Variants in DRAXIN observed in about 807,000 individuals in gnomAD.
DRAXIN encodes dorsal repulsive axon guidance protein.
In DRAXIN, 27 loss-of-function variants were observed where a neutral mutation model predicts 33.9. The ratio of observed to expected loss-of-function variants is 0.80; its 90% CI spans 0.59 to 1.10. The LOEUF (loss-of-function observed/expected upper bound fraction) is 1.10, where lower values mean the gene tolerates loss of function less well. Ranked by LOEUF, DRAXIN falls within the 50% of genes least tolerant of loss-of-function variation. DRAXIN has a pLI of 0.00. For synonymous variants in DRAXIN, 178 were observed against 194.0 expected (o/e 0.92, Z 0.69); for missense variants, 371 against 460.8 (o/e 0.81, Z 1.78).
Position 11,694,510 on chromosome 1 carries a change from G to A in DRAXIN, c.-11+2657G>A, listed in dbSNP as rs1365114848. On this transcript the variant is annotated intron_variant, in intron 1 of 6. Coordinates refer to ENST00000294485, the MANE Select transcript of DRAXIN (RefSeq NM_198545.4). The surrounding 1 kb of genome is among the most constrained non-coding windows in gnomAD (Gnocchi z 4.9). ...TGGCTCACCCCAGCCGTGCAGATTG[G>A]GTTTGAAGCCCAGCTGATCACTTAG... Among the ~76,000 whole-genome samples the A allele has an allele frequency of 6.6e-6, 1 of 152,148 alleles. No individual in the cohort carries two copies. The highest frequency in any genetic ancestry group is 6.5e-5 in the Admixed American group (1 of 15,282).
intron 3 of DRAXIN, 132 bp downstream of exon 3, chr1:11,709,597 G>C: frequency 8.9e-7 from 1 of 1,121,310 alleles, no homozygotes; most frequent in Non-Finnish European, 1.2e-6. Context: ...ATTGAAACCA[G>C]ATCTCCTGCT....
Position 11,704,400 on chromosome 1 carries a change from G to A in DRAXIN, c.-10-1849G>A, listed in dbSNP as rs1185628706. ...AGAGCAGCCCCGCTCCACTGGCCCC[G>A]AAGCAGGATTGAGGTTCCCTCTGCG... On this transcript the variant is annotated intron_variant, in intron 1 of 6. Transcript: ENST00000294485. The surrounding 1 kb of genome is among the most constrained non-coding windows in gnomAD (Gnocchi z 4.6). 5.3e-5 allele frequency among the ~76,000 whole-genome samples: 8 copies of A among 152,230 alleles called. No individual in the cohort carries two copies. The highest frequency in any genetic ancestry group is 3.9e-4 in the East Asian group (2 of 5,194).
In DRAXIN at chr1:11,719,911, C is replaced by G. The variant is rs1346876010; in HGVS notation, c.*215C>G. On this transcript the variant is annotated 3_prime_UTR_variant, in exon 7 of 7. Transcript: ENST00000294485. ...GCACCTGCACACACGAAGTCCGGACCCACGCAGCCTCCATCCCGCGTGTCT... is the reference window on the plus strand; with the variant it reads ...GCACCTGCACACACGAAGTCCGGACGCACGCAGCCTCCATCCCGCGTGTCT... The G allele has an allele frequency of 9.2e-6, 5 of 544,800 alleles. No homozygotes were observed. The highest frequency in any genetic ancestry group is 1.7e-5 in the Non-Finnish European group (5 of 298,730). The allele number at this position is 544,800 out of a possible 1,614,324, so 33.7% of individuals were successfully genotyped here. A position where few individuals can be genotyped will look rare whatever the true frequency, so the allele number is the denominator to read the frequency against.
At chr1:11,699,193 T>C (rs1476819202) in intron 1 of DRAXIN, among the ~76,000 whole-genome samples, 1 of 152,146 alleles carries the variant, frequency 6.6e-6, no homozygotes, top group Non-Finnish European at 1.5e-5. Flanking sequence ...CCAGTGGTCC[T>C]CCTCCCCTAC....
In DRAXIN at chr1:11,711,907, C is replaced by G; in HGVS notation, c.699C>G (p.Phe233Leu). 1 of 1,613,926 alleles carries G rather than the reference C, an allele frequency of 6.2e-7. No individual in the cohort carries two copies. The highest frequency in any genetic ancestry group is 8.5e-7 in the Non-Finnish European group (1 of 1,179,928). The change falls in exon 4 of 7, where the codon TTC (phenylalanine) becomes TTG (leucine). Residue 233 changes from phenylalanine (F) to leucine (L), a missense_variant. By Grantham distance (22) the Phe-to-Leu change is conservative. Transcript: ENST00000294485. ...EVMPTLDMALFDWTDYEDLKP... is the reference protein window; with the variant it reads ...EVMPTLDMALLDWTDYEDLKP... ...TGCCCACGCTGGACATGGCCTTGTT[C>G]GACTGGACCGATTATGAAGACTTAA...
At chr1:11,702,659 C>CATGCTCACACATACATGCCAG in intron 1 of DRAXIN, among the ~76,000 whole-genome samples, 1 of 152,028 alleles carries the variant, frequency 6.6e-6, no homozygotes, top group Non-Finnish European at 1.5e-5. Context: ...ACACACACGT[C>CATGCTCACACATACATGCCAG]ATGCTCACAC....
chr1:11,719,876 C>A lies in DRAXIN; in HGVS notation c.*180C>A. 1 of 607,616 alleles carries A rather than the reference C, an allele frequency of 1.6e-6. No homozygotes were observed. Among genetic ancestry groups the A allele is most frequent in the East Asian group, 2.8e-5 (1 of 35,092 alleles). The allele number at this position is 607,616 out of a possible 1,614,324, so 37.6% of individuals were successfully genotyped here. A position where few individuals can be genotyped will look rare whatever the true frequency, so the allele number is the denominator to read the frequency against. On this transcript the variant is annotated 3_prime_UTR_variant, in exon 7 of 7. Coordinates refer to ENST00000294485, the MANE Select transcript of DRAXIN (RefSeq NM_198545.4). The stretch of plus-strand genomic sequence containing the variant: ...AATGAGCTGGGTGGGTGCCCAGGAG[C>A]CGGCCCGCAGCACCTGCACACACGA...
Position 11,715,592 on chromosome 1 carries a change from A to G in DRAXIN, c.937+384A>G, listed in dbSNP as rs1360199804. On this transcript the variant is annotated intron_variant, in intron 6 of 6. Coordinates refer to ENST00000294485, the MANE Select transcript of DRAXIN (RefSeq NM_198545.4). The stretch of plus-strand genomic sequence containing the variant: ...GCTGCCGCTTTCACACCAGAATTCT[A>G]TCCCAGAGGAGGCATTGAAGTGTGA... 2.0e-5 allele frequency among the ~76,000 whole-genome samples: 3 copies of G among 149,660 alleles called. No individual in the cohort carries two copies. In the East Asian group the frequency reaches 6.0e-4, roughly 30 times the overall value.
At chr1:11,715,560 T>C (rs1641563413) in intron 6 of DRAXIN, among the ~76,000 whole-genome samples, 1 of 149,862 alleles carries the variant, frequency 6.7e-6, no homozygotes, top group Non-Finnish European at 1.5e-5. Context: ...AGATCCAGCC[T>C]CAGAAGGCTG....
At position 11,715,098 on chromosome 1, in the gene DRAXIN, G is replaced by A. The variant is rs376104543; in HGVS notation, c.848-21G>A. On this transcript the variant is annotated intron_variant, in intron 5 of 6. Transcript: ENST00000294485. The stretch of plus-strand genomic sequence containing the variant: ...GGGGCGGCTCAGCTTGGCTGACTGC[G>A]TGTGCTCTCTGTGTTGGCAGGGACT... 126 of 1,613,986 alleles carry A rather than the reference G, an allele frequency of 7.8e-5. No homozygotes were observed. In the African/African-American group the frequency reaches 1.1e-3, roughly 15 times the overall value.
intron 1 of DRAXIN, among the ~76,000 whole-genome samples, chr1:11,698,855 C>G (rs984948002): frequency 6.6e-6 from 1 of 152,084 alleles, no homozygotes; most frequent in African/African-American, 2.4e-5. Context: ...ACTCTGTCTA[C>G]AAACAAACAA....
rs992555142 is a variant in DRAXIN at position 11,723,222 on chromosome 1, T to C, written c.*3526T>C. The C allele has an allele frequency of 2.0e-5, 3 of 152,206 alleles. No homozygotes were observed. The highest frequency in any genetic ancestry group is 7.2e-5 in the African/African-American group (3 of 41,450). 9.4% of individuals were successfully genotyped at this position (152,206 alleles called of 1,614,324 possible). ...CGCAAAACCAGGCAGTGGGGCAGAT[T>C]TGGCCTGAGGGTCACGGTTTGCCAA... On this transcript the variant is annotated 3_prime_UTR_variant, in exon 7 of 7. Coordinates refer to ENST00000294485, the MANE Select transcript of DRAXIN (RefSeq NM_198545.4).
chr1:11,719,837 G>C lies in DRAXIN; in HGVS notation c.*141G>C. On this transcript the variant is annotated 3_prime_UTR_variant, in exon 7 of 7. Coordinates refer to ENST00000294485, the MANE Select transcript of DRAXIN (RefSeq NM_198545.4). ...GCCCAGGACACTCAACCCCAGGAGG[G>C]GAGCCGCTCGGCGAATGAGCTGGGT... is the stretch of plus-strand genomic sequence containing the variant. 1.3e-6 allele frequency: 1 copy of C among 774,962 alleles called. No individual in the cohort carries two copies. The highest frequency in any genetic ancestry group is 2.1e-6 in the Non-Finnish European group (1 of 473,088). The allele number at this position is 774,962 out of a possible 1,614,324, so 48.0% of individuals were successfully genotyped here. A position where few individuals can be genotyped will look rare whatever the true frequency, so the allele number is the denominator to read the frequency against.
chr1:11,718,031 C>A (rs974532595), intron 6 of DRAXIN, among the ~76,000 whole-genome samples: 1 of 133,276 alleles, frequency 7.5e-6, no homozygotes, highest in African/African-American at 2.9e-5. Context: ...AGGCCCGGCA[C>A]GGTGGCTCAT....
At chr1:11,689,243 C>T (rs562288355), upstream of DRAXIN, among the ~76,000 whole-genome samples, 22 of 140,384 alleles carry the variant, frequency 1.6e-4, no homozygotes, top group East Asian at 8.3e-4. Flanking sequence ...TGCAGTGAGC[C>T]GAGACTGTGC....
At chr1:11,710,836 T>C (rs967945228) in intron 3 of DRAXIN, among the ~76,000 whole-genome samples, 6 of 139,024 alleles carry the variant, frequency 4.3e-5, no homozygotes, top group African/African-American at 1.1e-4. Context: ...AGCAGAGAAT[T>C]GCTTGAACCC....
chr1:11,707,348 A>T (rs1273033919), intron 2 of DRAXIN, among the ~76,000 whole-genome samples: 5 of 152,064 alleles, frequency 3.3e-5, no homozygotes, highest in African/African-American at 1.2e-4. Flanking sequence ...TTCTTACTCG[A>T]CTCTGACGCA....
upstream of DRAXIN, among the ~76,000 whole-genome samples, chr1:11,689,937 C>T (rs908420618): frequency 1.3e-5 from 2 of 151,872 alleles, no homozygotes; most frequent in African/African-American, 2.4e-5. Context: ...AGCACACTCC[C>T]GCTCCAGGAC....
chr1:11,706,485 A>G lies in DRAXIN; in HGVS notation c.227A>G (p.Gln76Arg). The G allele has an allele frequency of 6.2e-7, 1 of 1,611,148 alleles. No homozygotes were observed. The highest frequency in any genetic ancestry group is 1.3e-5 in the African/African-American group (1 of 75,020). Residue 76 changes from glutamine (Q) to arginine (R), a missense_variant, in exon 2 of 7, where the codon CAG becomes CGG. Transcript: ENST00000294485. This position sits in a 1 kb window ranked among gnomAD's most constrained non-coding sequence, Gnocchi z 5.5. ...EWGPGLPSQA[Q>R]DGAVVTATRQ... ...GGCCCAGGCCTGCCCAGCCAGGCCC[A>G]GGATGGGGCTGTGGTCACCGCCACC...
Sources: gnomAD v4.1 joint callset for allele counts (sites outside exome capture counted in the v4.1 genomes callset) on GRCh38, gnomAD v4.1.1 for gene constraint, Gnocchi (gnomAD v3.1) non-coding constraint, MANE v1.5 for transcripts, NCBI Gene and HGNC (gene_info 2026-07-23, HGNC 2026-07-21) for gene names.